U2AF2: variants seen among roughly 807,000 people sequenced by gnomAD.
The protein encoded by U2AF2 is U2 small nuclear RNA auxiliary factor 2.
A neutral mutation model predicts 52.6 loss-of-function variants in U2AF2; 6 were observed. The observed-to-expected ratio is 0.11, with a 90% CI of 0.06 to 0.23. The LOEUF is 0.23. U2AF2 is among the 10% of genes least tolerant of loss of function. The pLI, the probability that U2AF2 is intolerant of heterozygous loss-of-function variation, is 1.00. For missense variants in U2AF2, 222 were observed against 677.1 expected (o/e 0.33, Z 7.46); for synonymous variants, 284 against 258.2 (o/e 1.10, Z -0.96).
intron 11 of U2AF2, 38 bp from the exon 12 acceptor site, chr19:55,673,896 G>A: frequency 6.3e-7 from 1 of 1,587,858 alleles, no homozygotes; most frequent in Non-Finnish European, 8.6e-7. Context: ...TGTTGGGCGT[G>A]AGCCTTGTTC....
At chr19:55,667,483 T>C (rs1040081734) in intron 7 of U2AF2, among the ~76,000 whole-genome samples, 3 of 152,180 alleles carry the variant, frequency 2.0e-5, no homozygotes, top group Non-Finnish European at 4.4e-5. Context: ...GGTTGAATCA[T>C]CCCACCAGCA....
chr19:55,670,466 C>CCCGTGCACCCTGCTGT (rs1600084295), intron 11 of U2AF2, among the ~76,000 whole-genome samples: 1,506 of 6,358 alleles, frequency 0.24, 73 homozygotes, highest in Non-Finnish European at 0.37. Flanking sequence ...ACCCTGCTGT[C>CCCGTGCACCCTGCTGT]CCGTGCACCC....
Position 55,668,866 on chromosome 19 carries a change from C to T in U2AF2, c.945+74C>T, listed in dbSNP as rs1984705553. 6.4e-7 allele frequency: 1 copy of T among 1,563,806 alleles called. No individual in the cohort carries two copies. Among genetic ancestry groups the T allele is most frequent in the Non-Finnish European group, 8.7e-7 (1 of 1,151,606 alleles). The stretch of plus-strand genomic sequence containing the variant: ...GCGCTGTTGCCAAGCCATGGTCTCC[C>T]CTCCTCAGGGGACGGGGCGGGAGGC... On this transcript the variant is annotated intron_variant, in intron 9 of 11. Coordinates refer to ENST00000308924, the MANE Select transcript of U2AF2 (RefSeq NM_007279.3). The surrounding 1 kb of genome is among the most constrained non-coding windows in gnomAD (Gnocchi z 5.5).
Position 55,674,134 on chromosome 19 carries a change from A to G in U2AF2, c.*66A>G. The G allele has an allele frequency of 6.9e-7, 1 of 1,447,952 alleles. No individual in the cohort carries two copies. The highest frequency in any genetic ancestry group is 9.1e-7 in the Non-Finnish European group (1 of 1,095,436). 89.7% of individuals were successfully genotyped at this position (1,447,952 alleles called of 1,614,324 possible). A position where few individuals can be genotyped will look rare whatever the true frequency, so the allele number is the denominator to read the frequency against. ...TTCTCCCCACTCCCGCCCCCCCCTTATCCCCCTCTGAAGACGATGGGCAGA... is the reference window on the plus strand; with the variant it reads ...TTCTCCCCACTCCCGCCCCCCCCTTGTCCCCCTCTGAAGACGATGGGCAGA... On this transcript the variant is annotated 3_prime_UTR_variant, in exon 12 of 12. Coordinates refer to ENST00000308924, the MANE Select transcript of U2AF2 (RefSeq NM_007279.3).
At chr19:55,656,415 C>G (rs1983799084) in intron 1 of U2AF2, among the ~76,000 whole-genome samples, 1 of 152,224 alleles carries the variant, frequency 6.6e-6, no homozygotes, top group Admixed American at 6.5e-5. Context: ...TGCTCAAGAG[C>G]ATAGGCTTTG....
chr19:55,655,413 A>C (rs985299029), intron 1 of U2AF2, among the ~76,000 whole-genome samples: 1 of 152,164 alleles, frequency 6.6e-6, no homozygotes, highest in Non-Finnish European at 1.5e-5. Context: ...GTCCTGGCGG[A>C]GGTGGCGCGG....
chr19:55,670,613 A>G (rs1215971513), intron 11 of U2AF2: 3 of 244,054 alleles, frequency 1.2e-5, no homozygotes, highest in Non-Finnish European at 2.4e-5. Context: ...TCCTGGGTGT[A>G]CTGTTCGTTC....
chr19:55,669,750 C>T (rs1022688239), intron 11 of U2AF2, 58 bp downstream of exon 11: 14 of 1,503,846 alleles, frequency 9.3e-6, no homozygotes, highest in African/African-American at 1.4e-5. Flanking sequence ...TTCTCCGCGC[C>T]CTCTTTCTTC....
At chr19:55,659,395 G>A (rs767720929) in intron 2 of U2AF2, 50 bp downstream of exon 2, 2 of 1,434,802 alleles carry the variant, frequency 1.4e-6, no homozygotes, top group Middle Eastern at 2.2e-4. Flanking sequence ...CGGGGGGTCG[G>A]TGTTGGCCGG....
At chr19:55,672,221 T>C (rs1170445461) in intron 11 of U2AF2, among the ~76,000 whole-genome samples, 1 of 152,202 alleles carries the variant, frequency 6.6e-6, no homozygotes, top group African/African-American at 2.4e-5. Flanking sequence ...GTAGGGACTA[T>C]GATAGTGATA....
rs899770629 is a variant in U2AF2, at chr19:55,674,352, G to A, written c.*284G>A. ...GGTTGGGATGGGGACAGGGTGCACA[G>A]CAGGGCGGGGTAGGACCCCAGCCCC... is the stretch of plus-strand genomic sequence containing the variant. On this transcript the variant is annotated 3_prime_UTR_variant, in exon 12 of 12. Coordinates refer to ENST00000308924, the MANE Select transcript of U2AF2 (RefSeq NM_007279.3). 2.3e-5 allele frequency: 9 copies of A among 395,072 alleles called. No homozygotes were observed. Among genetic ancestry groups the A allele is most frequent in the South Asian group, 8.6e-5 (3 of 34,762 alleles). The allele number at this position is 395,072 out of a possible 1,614,324, so 24.5% of individuals were successfully genotyped here.
At position 55,661,001 on chromosome 19, in the gene U2AF2, C is replaced by G. The variant is rs759429477; in HGVS notation, c.335-37C>G. ...TGAGGGGTGGTCACTGAGCATTCCC[C>G]TGATGGGGTTTTATCCGGCTTTTAT... On this transcript the variant is annotated intron_variant, in intron 4 of 11. Transcript: ENST00000308924. 3.9e-6 allele frequency: 6 copies of G among 1,546,460 alleles called. No homozygotes were observed. In the South Asian group the frequency reaches 7.2e-5, roughly 19 times the overall value.
At position 55,659,229 on chromosome 19, in the gene U2AF2, G is replaced by C; in HGVS notation, c.69G>C (p.Arg23=). ...ENKQERDKEN[R]HRKRSHSRSR... is the part of the protein sequence containing the mutation. ...GCCCAGAGCGGGACAAGGAGAACCG[G>C]CATCGGAAGCGCAGCCACAGCCGCT... The change falls in exon 2 of 12, where the codon CGG becomes CGC. Residue 23 remains arginine (R), a synonymous_variant. Coordinates refer to ENST00000308924, the MANE Select transcript of U2AF2 (RefSeq NM_007279.3). 6.3e-7 allele frequency: 1 copy of C among 1,595,786 alleles called. No individual in the cohort carries two copies. Among genetic ancestry groups the C allele is most frequent in the South Asian group, 1.1e-5 (1 of 89,560 alleles).
chr19:55,662,477 C>A lies in U2AF2; in HGVS notation c.487-25C>A, dbSNP rs747917594. The A allele has an allele frequency of 2.1e-6, 3 of 1,402,528 alleles. No homozygotes were observed. The South Asian group carries it at 3.8e-5, about 18-fold the overall frequency. The allele number at this position is 1,402,528 out of a possible 1,614,324, so 86.9% of individuals were successfully genotyped here. On this transcript the variant is annotated intron_variant, in intron 5 of 11. Transcript: ENST00000308924. ...CTCCACCTCCCTTCCCCCGCCCCCC[C>A]CCTTGTCTCCTATTCCCTCTGCAGG... is the stretch of plus-strand genomic sequence containing the variant.
chr19:55,655,648 C>T (rs1211446182), intron 1 of U2AF2, among the ~76,000 whole-genome samples: 1 of 152,158 alleles, frequency 6.6e-6, no homozygotes, highest in Non-Finnish European at 1.5e-5. Flanking sequence ...CCTTCCTTCA[C>T]GTGGATGAGG....
At chr19:55,662,737 C>T in intron 6 of U2AF2, 119 bp downstream of exon 6, 1 of 829,852 alleles carries the variant, frequency 1.2e-6, no homozygotes, top group Non-Finnish European at 2.0e-6. Context: ...GCAGCCTCTT[C>T]TCCACCCGGT....
At chr19:55,670,534 C>CGTGCGCCCTGCTGTCCG (rs143152939) in intron 11 of U2AF2, 1 of 184,296 alleles carries the variant, frequency 5.4e-6, no homozygotes, top group East Asian at 1.5e-4. Context: ...CCTGCTGTCC[C>CGTGCGCCCTGCTGTCCG]TGCACCCTGC....
rs1484789820 is a variant in U2AF2 at position 55,661,218 on chromosome 19, TC to T, written c.486+32del. 7 of 1,522,424 alleles carry T rather than the reference TC, an allele frequency of 4.6e-6. No individual in the cohort carries two copies. The Middle Eastern group carries it at 1.1e-3, about 245-fold the overall frequency. 94.3% of individuals were successfully genotyped at this position (1,522,424 alleles called of 1,614,324 possible). A position where few individuals can be genotyped will look rare whatever the true frequency, so the allele number is the denominator to read the frequency against. On this transcript the variant is annotated intron_variant, in intron 5 of 11. Coordinates refer to ENST00000308924, the MANE Select transcript of U2AF2 (RefSeq NM_007279.3). ...CTGCCCTCCCCTGCCCCCTACCCTC[TC>T]CCTTGTCCCTCTACCCCGTTCCTCC...
chr19:55,659,058 C>A, intron 1 of U2AF2, 152 bp from the exon 2 acceptor site: 1 of 1,255,956 alleles, frequency 8.0e-7, no homozygotes, highest in Non-Finnish European at 1.0e-6. Flanking sequence ...CTTGTGGACC[C>A]AGGAGGCCTG....
Sources: allele counts gnomAD v4.1 joint callset (sites outside exome capture counted in the v4.1 genomes callset), GRCh38; gene constraint gnomAD v4.1.1; non-coding constraint Gnocchi (gnomAD v3.1); transcripts MANE v1.5; gene names NCBI Gene and HGNC (gene_info 2026-07-23, HGNC 2026-07-21).